COQ10B: variants seen among roughly 807,000 people sequenced by gnomAD.
The protein encoded by COQ10B is coenzyme Q10B, also known as coenzyme Q-binding protein COQ10 homolog B, mitochondrial.
COQ10B carries 12 observed loss-of-function variants against 27.6 expected under a neutral mutation model. The ratio of observed to expected loss-of-function variants is 0.43; its 90% confidence interval spans 0.28 to 0.70. The LOEUF (loss-of-function observed/expected upper bound fraction) is 0.70. COQ10B is among the 30% of genes least tolerant of loss of function. The probability of loss-of-function intolerance (pLI) is 0.17; values close to 1 mark genes in which losing one functional copy is unlikely to be tolerated. For missense variants in COQ10B, 278 were observed against 288.7 expected (o/e 0.96, Z 0.27); for synonymous variants, 115 against 103.0 (o/e 1.12, Z -0.71).
intron 3 of COQ10B, among the ~76,000 whole-genome samples, chr2:197,466,117 A>G (rs2085822717): frequency 6.6e-6 from 1 of 152,130 alleles, no homozygotes; most frequent in South Asian, 2.1e-4. Flanking sequence ...AAACAAAAAC[A>G]AAACCACACA....
At chr2:197,473,211 C>G (rs1206164715) in intron 4 of COQ10B, among the ~76,000 whole-genome samples, 1 of 151,414 alleles carries the variant, frequency 6.6e-6, no homozygotes, top group Non-Finnish European at 1.5e-5. Flanking sequence ...CTTAGATACC[C>G]AGTTCATAGT....
At chr2:197,471,299 C>G (rs372446090) in intron 4 of COQ10B, among the ~76,000 whole-genome samples, 1 of 151,980 alleles carries the variant, frequency 6.6e-6, no homozygotes, top group African/African-American at 2.4e-5. Flanking sequence ...TGCACCACCA[C>G]ACAGGCTTAT....
chr2:197,456,203 T>C (rs945012894), intron 1 of COQ10B, among the ~76,000 whole-genome samples: 68 of 152,000 alleles, frequency 4.5e-4, no homozygotes, highest in African/African-American at 1.6e-3. Context: ...CGGTGGCTTA[T>C]GCCTGTAATC....
At chr2:197,457,925 A>G (rs926235884) in intron 1 of COQ10B, among the ~76,000 whole-genome samples, 7 of 151,928 alleles carry the variant, frequency 4.6e-5, no homozygotes, top group Non-Finnish European at 7.4e-5. Flanking sequence ...CCCGGCCTCC[A>G]TTACATTTTA....
In COQ10B at chr2:197,462,618, G is replaced by T; in HGVS notation, c.334G>T (p.Asp112Tyr). 6.3e-7 allele frequency: 1 copy of T among 1,599,886 alleles called. No individual in the cohort carries two copies. Among genetic ancestry groups the T allele is most frequent in the Non-Finnish European group, 8.5e-7 (1 of 1,170,282 alleles). Reference sequence around the variant, plus strand: ...TTTTGTTCCTTGGTGCAAAAAATCAGATGTTATATCAAAGAGATCTGGATA... The same window carrying T: ...TTTTGTTCCTTGGTGCAAAAAATCATATGTTATATCAAAGAGATCTGGATA... ...KHFVPWCKKS[D>Y]VISKRSGYCK... Residue 112 changes from aspartate to tyrosine, a missense_variant, in exon 3 of 5, where the codon GAT becomes TAT. Coordinates refer to ENST00000263960, the MANE Select transcript of COQ10B (RefSeq NM_025147.5).
In COQ10B at chr2:197,473,941, G is replaced by A. The variant is rs373301334; in HGVS notation, c.*17G>A. ...CACACATAAAGGCAAAAAAGAACTG[G>A]TGCCACCTGCTTCTGACTTTAGTTT... is the stretch of plus-strand genomic sequence containing the variant. On this transcript the variant is annotated 3_prime_UTR_variant, in exon 5 of 5. Transcript: ENST00000263960. The A allele has an allele frequency of 4.1e-6, 6 of 1,455,900 alleles. No individual in the cohort carries two copies. Among genetic ancestry groups the A allele is most frequent in the Non-Finnish European group, 5.5e-6 (6 of 1,092,342 alleles). 90.2% of individuals were successfully genotyped at this position (1,455,900 alleles called of 1,614,324 possible).
rs952415968 is a variant in COQ10B at position 197,473,924 on chromosome 2, A to G, written c.717A>G (p.Ter239=). 2.7e-6 allele frequency: 4 copies of G among 1,485,916 alleles called. No homozygotes were observed. The highest frequency in any genetic ancestry group is 3.6e-6 in the Non-Finnish European group (4 of 1,108,614). The allele number at this position is 1,485,916 out of a possible 1,614,324, so 92.0% of individuals were successfully genotyped here. Residue 239 remains the stop codon, a stop_retained_variant, in exon 5 of 5, where the codon TAA becomes TAG. Coordinates refer to ENST00000263960, the MANE Select transcript of COQ10B (RefSeq NM_025147.5). ...TGCTTCATGAAGTCCATCACACATA[A>G]AGGCAAAAAAGAACTGGTGCCACCT... The part of the protein sequence containing the change: ...ELMLHEVHHT[*]
rs1232611733 is a variant in COQ10B, at chr2:197,461,644, AG to A, written c.255-894del. Among the ~76,000 whole-genome samples the A allele has an allele frequency of 1.1e-4, 16 of 144,328 alleles. 1 individual carries two copies. Among genetic ancestry groups the A allele is most frequent in the Admixed American group, 4.7e-4 (7 of 14,960 alleles). The allele number at this position is 144,328 out of a possible 152,430, so 94.7% of individuals were successfully genotyped here. Reference sequence around the variant, plus strand: ...CAGGGTCTCAGAGAGAGAGAGAGAGAGAGAGAGAGAGAGAGAGAGAGGTGTA... The same window carrying A: ...CAGGGTCTCAGAGAGAGAGAGAGAGAAGAGAGAGAGAGAGAGAGAGGTGTA... On this transcript the variant is annotated intron_variant, in intron 2 of 4. Coordinates refer to ENST00000263960, the MANE Select transcript of COQ10B (RefSeq NM_025147.5).
intron 1 of COQ10B, 177 bp downstream of exon 1, chr2:197,453,841 C>A: frequency 8.8e-7 from 1 of 1,132,490 alleles, no homozygotes; most frequent in Non-Finnish European, 1.3e-6. Flanking sequence ...GCGCGCATCA[C>A]CTTGGGCCCA....
At chr2:197,469,379 A>AT (rs897572204) in intron 3 of COQ10B, among the ~76,000 whole-genome samples, 1 of 152,106 alleles carries the variant, frequency 6.6e-6, no homozygotes, top group African/African-American at 2.4e-5. Flanking sequence ...CACAATAAGT[A>AT]TTTTTTTTAT....
chr2:197,470,563 C>G (rs949076886), intron 4 of COQ10B, among the ~76,000 whole-genome samples: 1 of 152,076 alleles, frequency 6.6e-6, no homozygotes, highest in East Asian at 1.9e-4. Context: ...AGTTTGAGAC[C>G]AGCCTGGGGA....
intron 4 of COQ10B, among the ~76,000 whole-genome samples, chr2:197,470,565 G>T (rs1042097164): frequency 6.6e-6 from 1 of 152,264 alleles, no homozygotes; most frequent in Middle Eastern, 3.4e-3. Flanking sequence ...TTTGAGACCA[G>T]CCTGGGGAAC....
chr2:197,457,787 A>G (rs2085715583), intron 1 of COQ10B, among the ~76,000 whole-genome samples: 1 of 151,600 alleles, frequency 6.6e-6, no homozygotes, highest in Non-Finnish European at 1.5e-5. Flanking sequence ...ACACCCGGCT[A>G]ATTTTTGTAT....
intron 1 of COQ10B, among the ~76,000 whole-genome samples, chr2:197,454,651 T>C (rs1006658661): frequency 1.3e-5 from 2 of 152,072 alleles, no homozygotes; most frequent in Non-Finnish European, 2.9e-5. Flanking sequence ...AACGCCATCA[T>C]ACTTGAGATC....
At position 197,474,797 on chromosome 2, in the gene COQ10B, G is replaced by C. The variant is rs1454386744; in HGVS notation, c.*873G>C. 1 of 150,440 alleles carries C rather than the reference G, an allele frequency of 6.6e-6. No homozygotes were observed. The highest frequency in any genetic ancestry group is 1.5e-5 in the Non-Finnish European group (1 of 67,762). 9.3% of individuals were successfully genotyped at this position (150,440 alleles called of 1,614,324 possible). A position where few individuals can be genotyped will look rare whatever the true frequency, so the allele number is the denominator to read the frequency against. On this transcript the variant is annotated 3_prime_UTR_variant, in exon 5 of 5. Coordinates refer to ENST00000263960, the MANE Select transcript of COQ10B (RefSeq NM_025147.5). ...ATTGCCATAATGAGGCTAGCTCCCA[G>C]ATAAACAGTGTATTTTCTTCTTTTT... is the stretch of plus-strand genomic sequence containing the variant.
chr2:197,455,982 A>G (rs2085694257), intron 1 of COQ10B, among the ~76,000 whole-genome samples: 1 of 152,094 alleles, frequency 6.6e-6, no homozygotes, highest in Non-Finnish European at 1.5e-5. Context: ...ACAATAAAAC[A>G]GAAGAATGGA....
chr2:197,468,758 T>A (rs1434531006), intron 3 of COQ10B, among the ~76,000 whole-genome samples: 3 of 151,984 alleles, frequency 2.0e-5, no homozygotes, highest in Non-Finnish European at 4.4e-5. Context: ...AGGAGTTCAT[T>A]ACCAGCCTGG....
At chr2:197,465,111 T>A (rs1201727903) in intron 3 of COQ10B, among the ~76,000 whole-genome samples, 1 of 152,076 alleles carries the variant, frequency 6.6e-6, no homozygotes, top group Admixed American at 6.6e-5. Context: ...GGTCTCGATC[T>A]CCTGACCTCA....
chr2:197,462,783 T>C (rs751042655), intron 3 of COQ10B, 52 bp downstream of exon 3: 15 of 1,131,842 alleles, frequency 1.3e-5, no homozygotes, highest in Non-Finnish European at 1.7e-5. Context: ...ATATTAACTT[T>C]GTCAAATGAG....
Sources: allele counts gnomAD v4.1 joint callset (sites outside exome capture counted in the v4.1 genomes callset), GRCh38; gene constraint gnomAD v4.1.1; transcripts MANE v1.5; gene names NCBI Gene and HGNC (gene_info 2026-07-23, HGNC 2026-07-21).